Variants in ANKS1B observed in about 807,000 individuals in gnomAD.
ANKS1B encodes the protein ankyrin repeat and sterile alpha motif domain containing 1B, also known as ankyrin repeat and sterile alpha motif domain-containing protein 1B.
Under a neutral mutation model 148.3 loss-of-function variants are expected in ANKS1B, and 36 were observed. The observed-to-expected ratio is 0.24, with a 90% CI of 0.19 to 0.32. ANKS1B has a LOEUF of 0.32. ANKS1B is among the 10% of genes least tolerant of loss of function. The pLI, the probability that ANKS1B is intolerant of heterozygous loss-of-function variation, is 1.00. For missense variants in ANKS1B, 1,157 were observed against 1,542.6 expected, an observed-to-expected ratio of 0.75 and a Z score of 4.19; for synonymous variants, 542 against 560.8, an observed-to-expected ratio of 0.97 and a Z score of 0.47.
chr12:99,805,263 C>CAAAAGAAAAAAAAAA (rs2067457740), intron 4 of ANKS1B, among the ~76,000 whole-genome samples: 1 of 28,908 alleles, frequency 3.5e-5, no homozygotes, highest in African/African-American at 1.5e-4. Flanking sequence ...GAGGAAAAGG[C>CAAAAGAAAAAAAAAA]AAAAAAAAAA....
rs1307880192 is a variant in ANKS1B at position 98,832,146 on chromosome 12, C to T, written c.2779-10G>A. 4 of 1,548,156 alleles carry T rather than the reference C, an allele frequency of 2.6e-6. No homozygotes were observed. The highest frequency in any genetic ancestry group is 1.4e-5 in the African/African-American group (1 of 73,146). On this transcript the variant is annotated splice_polypyrimidine_tract_variant and intron_variant, in intron 17 of 26. Transcript: ENST00000683438. ...AATTGATTTTTAAAACCTGAAACAA[C>T]ATATATTTGGGTTAAATATTTCACT...
chr12:99,334,790 G>A (rs73149175), intron 12 of ANKS1B, among the ~76,000 whole-genome samples: 5,716 of 151,784 alleles, frequency 0.038, 139 homozygotes, highest in Non-Finnish European at 0.062. Flanking sequence ...CTTCCTTTAC[G>A]TATGGAGTAA....
At chr12:99,747,290 C>T (rs968517665) in intron 8 of ANKS1B, among the ~76,000 whole-genome samples, 1 of 152,092 alleles carries the variant, frequency 6.6e-6, no homozygotes, top group African/African-American at 2.4e-5. Flanking sequence ...GCCAGTTTCC[C>T]TTCTTGTTTT....
chr12:99,286,380 G>A (rs896590931), intron 12 of ANKS1B, among the ~76,000 whole-genome samples: 4 of 151,910 alleles, frequency 2.6e-5, no homozygotes, highest in Non-Finnish European at 5.9e-5. Flanking sequence ...ATAGCCCTTG[G>A]GCCTTGAATG....
chr12:99,030,708 C>G (rs1020974153), intron 17 of ANKS1B, among the ~76,000 whole-genome samples: 2 of 152,110 alleles, frequency 1.3e-5, no homozygotes, highest in African/African-American at 4.8e-5. Flanking sequence ...AATTAGAATG[C>G]GAACTCTTCA....
At chr12:99,332,670 T>C (rs2087810603) in intron 12 of ANKS1B, among the ~76,000 whole-genome samples, 2 of 146,650 alleles carry the variant, frequency 1.4e-5, no homozygotes, top group Admixed American at 6.9e-5. Flanking sequence ...AAAGTTTTTA[T>C]AGAGGTGAGC....
intron 14 of ANKS1B, among the ~76,000 whole-genome samples, chr12:99,168,597 T>A (rs1308806032): frequency 1.3e-5 from 2 of 152,020 alleles, no homozygotes; most frequent in African/African-American, 2.4e-5. Flanking sequence ...GCAACTTATT[T>A]TAGACAGAAT....
chr12:99,257,962 G>A (rs898947658), intron 12 of ANKS1B, among the ~76,000 whole-genome samples: 4 of 152,278 alleles, frequency 2.6e-5, no homozygotes, highest in Middle Eastern at 3.4e-3. Flanking sequence ...AGTGACTGGA[G>A]CAGGCAATGT....
chr12:99,188,748 G>A (rs2080232597), intron 14 of ANKS1B, among the ~76,000 whole-genome samples: 3 of 152,194 alleles, frequency 2.0e-5, no homozygotes, highest in South Asian at 4.1e-4. Flanking sequence ...AAACGGGAAA[G>A]ATCTAAAATC....
chr12:99,034,460 C>T (rs928918194), intron 17 of ANKS1B, among the ~76,000 whole-genome samples: 3 of 152,206 alleles, frequency 2.0e-5, no homozygotes, highest in South Asian at 4.1e-4. Flanking sequence ...GGACCATAGG[C>T]GTGTGCAACC....
chr12:99,574,634 AAATC>A (rs1219192437), intron 9 of ANKS1B, among the ~76,000 whole-genome samples: 4 of 151,962 alleles, frequency 2.6e-5, no homozygotes, highest in Non-Finnish European at 4.4e-5. Flanking sequence ...TTAACATTTG[AAATC>A]AATCAATGAA....
At chr12:99,701,077 T>C (rs977823110) in intron 8 of ANKS1B, among the ~76,000 whole-genome samples, 3 of 152,194 alleles carry the variant, frequency 2.0e-5, no homozygotes, top group Non-Finnish European at 2.9e-5. Flanking sequence ...TTAACTTTGT[T>C]ACCACACTTC....
intron 15 of ANKS1B, among the ~76,000 whole-genome samples, chr12:99,132,476 G>A (rs1369750642): frequency 7.0e-6 from 1 of 143,316 alleles, no homozygotes; most frequent in African/African-American, 2.7e-5. Flanking sequence ...CCTTGTCCCC[G>A]CCTTCAAAAA....
intron 9 of ANKS1B, chr12:99,649,742 A>G: frequency 4.7e-6 from 1 of 211,656 alleles, no homozygotes. Flanking sequence ...CTCTCCCTAG[A>G]GAGCAGTATG....
intron 8 of ANKS1B, among the ~76,000 whole-genome samples, chr12:99,740,035 G>C (rs2059946831): frequency 6.6e-6 from 1 of 152,164 alleles, no homozygotes; most frequent in African/African-American, 2.4e-5. Context: ...CGGTAGCCAG[G>C]AACAGTGGCT....
intron 14 of ANKS1B, among the ~76,000 whole-genome samples, chr12:99,230,493 C>T (rs1492251): frequency 0.68 from 103,421 of 151,952 alleles, 35,561 homozygotes; most frequent in Middle Eastern, 0.79. Context: ...ACCATTGATA[C>T]GTCATAAGCA....
intron 11 of ANKS1B, among the ~76,000 whole-genome samples, chr12:99,415,250 A>T (rs777445155): frequency 1.4e-4 from 22 of 152,166 alleles, no homozygotes; most frequent in Non-Finnish European, 3.1e-4. Flanking sequence ...TATTTTATAG[A>T]TGTTCATGTC....
intron 17 of ANKS1B, among the ~76,000 whole-genome samples, chr12:98,877,276 T>C (rs2099693705): frequency 6.6e-6 from 1 of 152,248 alleles, no homozygotes; most frequent in African/African-American, 2.4e-5. Flanking sequence ...ATCATCTTGA[T>C]TCTTATTTTC....
At chr12:99,370,199 T>C (rs376012500) in intron 12 of ANKS1B, among the ~76,000 whole-genome samples, 2 of 152,228 alleles carry the variant, frequency 1.3e-5, no homozygotes, top group South Asian at 4.1e-4. Context: ...AAAAAGGCAC[T>C]GGTGGAGCTG....
Sources: allele counts gnomAD v4.1 joint callset (sites outside exome capture counted in the v4.1 genomes callset), GRCh38; gene constraint gnomAD v4.1.1; transcripts MANE v1.5; gene names NCBI Gene and HGNC (gene_info 2026-07-23, HGNC 2026-07-21).